ESR1: variants seen among roughly 807,000 people sequenced by gnomAD.
ESR1 encodes estrogen receptor 1.
A neutral mutation model predicts 52.7 loss-of-function variants in ESR1; 12 were observed. That is an observed-to-expected ratio of 0.23 (90% confidence interval 0.15 to 0.37). The LOEUF (loss-of-function observed/expected upper bound fraction) is 0.37, where lower values mean the gene tolerates loss of function less well. ESR1 is among the 10% of genes least tolerant of loss of function. The probability of loss-of-function intolerance (pLI) is 1.00; values close to 1 mark genes in which losing one functional copy is unlikely to be tolerated. For missense variants in ESR1, 584 were observed against 779.7 expected (o/e 0.75, Z 2.99); for synonymous variants, 305 against 316.8 (o/e 0.96, Z 0.39).
intron 5 of ESR1, among the ~76,000 whole-genome samples, chr6:152,021,224 G>A (rs2043619739): frequency 6.6e-6 from 1 of 152,088 alleles, no homozygotes; most frequent in African/African-American, 2.4e-5. Context: ...AACGTGAAAG[G>A]GGAAACTGGC....
intron 1 of ESR1, among the ~76,000 whole-genome samples, chr6:151,668,304 A>G (rs1048297328): frequency 1.1e-4 from 16 of 151,652 alleles, no homozygotes; most frequent in Middle Eastern, 3.4e-3. Flanking sequence ...TTTGAGATAG[A>G]GTCTCGCTCT....
At chr6:152,121,524 A>C (rs1273323033) in intron 6 of ESR1, among the ~76,000 whole-genome samples, 1 of 152,214 alleles carries the variant, frequency 6.6e-6, no homozygotes, top group African/African-American at 2.4e-5. Context: ...TTCTATGTCT[A>C]AATCCATGCT....
intron 4 of ESR1, among the ~76,000 whole-genome samples, chr6:151,960,768 C>T (rs1471198603): frequency 6.6e-6 from 1 of 152,086 alleles, no homozygotes; most frequent in Non-Finnish European, 1.5e-5. Flanking sequence ...AAGATTGAGG[C>T]AGGGAGAGCA....
chr6:151,778,077 T>C (rs1467580542), intron 2 of ESR1, among the ~76,000 whole-genome samples: 2 of 152,272 alleles, frequency 1.3e-5, no homozygotes, highest in African/African-American at 2.4e-5. Flanking sequence ...GTTCCTCGTC[T>C]GATTTTTAAA....
At chr6:151,765,680 AC>A (rs1784997027) in intron 2 of ESR1, among the ~76,000 whole-genome samples, 1 of 152,142 alleles carries the variant, frequency 6.6e-6, no homozygotes, top group Non-Finnish European at 1.5e-5. Flanking sequence ...TGGGCTTGTC[AC>A]TCAGATTCTG....
chr6:151,664,232 T>G (rs1195538244), intron 1 of ESR1, among the ~76,000 whole-genome samples: 1 of 152,208 alleles, frequency 6.6e-6, no homozygotes, highest in Non-Finnish European at 1.5e-5. Flanking sequence ...TACCACCTGA[T>G]GGAAGTGAAC....
intron 2 of ESR1, among the ~76,000 whole-genome samples, chr6:151,737,665 G>A (rs991127436): frequency 6.6e-6 from 1 of 151,964 alleles, no homozygotes; most frequent in Non-Finnish European, 1.5e-5. Flanking sequence ...CTCAGGAGGC[G>A]ACCACTGTTA....
At chr6:151,913,632 TGG>T (rs1291088421) in intron 3 of ESR1, among the ~76,000 whole-genome samples, 1 of 152,210 alleles carries the variant, frequency 6.6e-6, no homozygotes, top group Non-Finnish European at 1.5e-5. Flanking sequence ...CTATAGGACT[TGG>T]TTATCAAAAT....
chr6:152,053,662 C>T lies in ESR1; in HGVS notation c.1236-7329C>T, dbSNP rs2046870416. ...TCTCTGTCTCTGTCTGCCTCTCTCT[C>T]TCTCTCTCTCTTCCCTAGTGAGCTC... On this transcript the variant is annotated intron_variant, in intron 5 of 7. Transcript: ENST00000206249. The surrounding 1 kb of genome is among the most constrained non-coding windows in gnomAD (Gnocchi z 4.1). 6.6e-6 allele frequency among the ~76,000 whole-genome samples: 1 copy of T among 151,948 alleles called. No individual in the cohort carries two copies. The highest frequency in any genetic ancestry group is 1.5e-5 in the Non-Finnish European group (1 of 67,992).
intron 2 of ESR1, among the ~76,000 whole-genome samples, chr6:151,739,273 T>C (rs1418301746): frequency 2.0e-5 from 3 of 152,176 alleles, no homozygotes; most frequent in African/African-American, 7.2e-5. Context: ...TGAAAAGCAT[T>C]TAGCAAGGTC....
chr6:151,932,187 A>G (rs1364868125), intron 3 of ESR1, among the ~76,000 whole-genome samples: 1 of 151,814 alleles, frequency 6.6e-6, no homozygotes, highest in African/African-American at 2.4e-5. Flanking sequence ...TTTGATTTGC[A>G]TTTCTCTGAT....
intron 3 of ESR1, among the ~76,000 whole-genome samples, chr6:151,927,687 C>T (rs1046510489): frequency 1.3e-5 from 2 of 151,790 alleles, no homozygotes; most frequent in African/African-American, 4.8e-5. Context: ...GGTGACTTCT[C>T]TTTCATTTAT....
At chr6:151,936,201 G>A (rs1180690011) in intron 3 of ESR1, 1 of 152,248 alleles carries the variant, frequency 6.6e-6, no homozygotes, top group African/African-American at 2.4e-5. Context: ...AGATGGAAAT[G>A]TTCTCACGGT....
chr6:152,032,432 C>T (rs529106982), intron 5 of ESR1, among the ~76,000 whole-genome samples: 2 of 152,310 alleles, frequency 1.3e-5, no homozygotes, highest in East Asian at 3.9e-4. Flanking sequence ...TGATAAGCAG[C>T]TTCAGCAAAG....
chr6:151,693,877 C>A (rs1779127736), intron 1 of ESR1, among the ~76,000 whole-genome samples: 1 of 152,208 alleles, frequency 6.6e-6, no homozygotes. Flanking sequence ...CTTGGCCTCC[C>A]AAACTGCTGG....
At chr6:151,667,395 T>C (rs1562318446) in intron 1 of ESR1, among the ~76,000 whole-genome samples, 1 of 152,208 alleles carries the variant, frequency 6.6e-6, no homozygotes, top group Non-Finnish European at 1.5e-5. Flanking sequence ...TACTAAATAT[T>C]TGTTGAAAGC....
intron 6 of ESR1, among the ~76,000 whole-genome samples, chr6:152,067,269 T>A (rs1017174591): frequency 6.6e-6 from 1 of 152,192 alleles, no homozygotes; most frequent in South Asian, 2.1e-4. Context: ...ACAAAATGCC[T>A]GTAGCCTGGG....
At chr6:151,844,272 G>A (rs1784767725) in intron 2 of ESR1, among the ~76,000 whole-genome samples, 1 of 151,944 alleles carries the variant, frequency 6.6e-6, no homozygotes, top group East Asian at 1.9e-4. Context: ...AGCCCTTAGA[G>A]GTGTTTTGAC....
At chr6:151,682,114 A>G (rs1778483044) in intron 1 of ESR1, among the ~76,000 whole-genome samples, 2 of 152,184 alleles carry the variant, frequency 1.3e-5, no homozygotes, top group South Asian at 4.1e-4. Context: ...TTCCTAGCAC[A>G]GGTTTTTTGA....
Sources: allele counts gnomAD v4.1 joint callset (sites outside exome capture counted in the v4.1 genomes callset), GRCh38; gene constraint gnomAD v4.1.1; non-coding constraint Gnocchi (gnomAD v3.1); transcripts MANE v1.5; gene names NCBI Gene and HGNC (gene_info 2026-07-23, HGNC 2026-07-21).